CDH23: variants seen among roughly 807,000 people sequenced by gnomAD.
The protein encoded by CDH23 is cadherin related 23, also known as cadherin-23.
Under a neutral mutation model 317.1 loss-of-function variants are expected in CDH23, and 189 were observed. The ratio of observed to expected loss-of-function variants is 0.60; its 90% CI spans 0.53 to 0.67. The LOEUF is 0.67. CDH23 is among the 30% of genes least tolerant of loss of function. CDH23 has a pLI of 0.00. For missense variants in CDH23, 4,401 were observed against 4,592.4 expected, an observed-to-expected ratio of 0.96 and a Z score of 1.20; for synonymous variants, 1,839 against 1,876.8, an observed-to-expected ratio of 0.98 and a Z score of 0.52.
chr10:71,431,151 G>A (rs866442460), intron 1 of CDH23, among the ~76,000 whole-genome samples: 6 of 152,164 alleles, frequency 3.9e-5, no homozygotes, highest in Non-Finnish European at 7.3e-5. Context: ...TATTTACTAC[G>A]TCCGTACACT....
At chr10:71,605,049 A>G (rs112654708) in intron 9 of CDH23, among the ~76,000 whole-genome samples, 7 of 152,320 alleles carry the variant, frequency 4.6e-5, no homozygotes, top group African/African-American at 1.4e-4. Flanking sequence ...TCTAGCACCA[A>G]CTTGGAACAC....
At chr10:71,481,973 G>T (rs1202139662) in intron 3 of CDH23, among the ~76,000 whole-genome samples, 4 of 152,154 alleles carry the variant, frequency 2.6e-5, no homozygotes, top group Non-Finnish European at 2.9e-5. Context: ...TGCAAAGGGT[G>T]GGGGGAGTCG....
chr10:71,426,676 CTTTA>C (rs1207204287), intron 1 of CDH23, among the ~76,000 whole-genome samples: 3 of 152,084 alleles, frequency 2.0e-5, no homozygotes, highest in Non-Finnish European at 2.9e-5. Flanking sequence ...TCTACACTAG[CTTTA>C]TTTATTTGTT....
At chr10:71,713,028 G>A (rs758778076) in intron 28 of CDH23, 2 of 735,278 alleles carry the variant, frequency 2.7e-6, no homozygotes, top group African/African-American at 3.5e-5. Context: ...TGAGGATAGG[G>A]CTCTGGCTCC....
intron 1 of CDH23, among the ~76,000 whole-genome samples, chr10:71,402,771 T>G (rs1326849661): frequency 2.0e-5 from 3 of 150,002 alleles, no homozygotes; most frequent in Non-Finnish European, 3.0e-5. Flanking sequence ...ACATGCGCGT[T>G]GGATGGGGGT....
intron 3 of CDH23, 60 bp downstream of exon 3, chr10:71,446,455 A>G (rs1850173891): frequency 6.8e-7 from 1 of 1,468,402 alleles, no homozygotes; most frequent in African/African-American, 1.4e-5. Context: ...CCCTTCCCAC[A>G]AGTGAAGGGG....
intron 3 of CDH23, among the ~76,000 whole-genome samples, chr10:71,472,416 A>G (rs1851564413): frequency 6.6e-6 from 1 of 152,004 alleles, no homozygotes; most frequent in Non-Finnish European, 1.5e-5. Flanking sequence ...TGGCTCCTCT[A>G]TCACCCGTGT....
rs150689773 is a variant in CDH23, at chr10:71,498,498, C to G, written c.146-11584C>G. Reference sequence around the variant, plus strand: ...TGTGCAGTGTGATAGATATGTAGGTCTGCCCGCTGGACTGTCAGCTGCAGG... The same window carrying G: ...TGTGCAGTGTGATAGATATGTAGGTGTGCCCGCTGGACTGTCAGCTGCAGG... On this transcript the variant is annotated intron_variant, in intron 3 of 69. Coordinates refer to ENST00000224721, the MANE Select transcript of CDH23 (RefSeq NM_022124.6). 2.2e-3 allele frequency among the ~76,000 whole-genome samples: 342 copies of G among 152,362 alleles called. 3 individuals carry two copies. The highest frequency in any genetic ancestry group is 7.8e-3 in the African/African-American group (325 of 41,582).
chr10:71,805,718 G>A, intron 55 of CDH23, 88 bp from the exon 56 acceptor site: 2 of 1,328,244 alleles, frequency 1.5e-6, no homozygotes, highest in African/African-American at 1.5e-5. Flanking sequence ...TTCTGCTACG[G>A]CAGGAGAAAG....
intron 38 of CDH23, among the ~76,000 whole-genome samples, chr10:71,775,138 G>T (rs1840787667): frequency 6.6e-6 from 1 of 152,110 alleles, no homozygotes; most frequent in African/African-American, 2.4e-5. Context: ...CTTCCTGCTG[G>T]CATAGCATGA....
At chr10:71,696,588 C>T (rs372325321) in intron 22 of CDH23, among the ~76,000 whole-genome samples, 66 of 152,332 alleles carry the variant, frequency 4.3e-4, no homozygotes, top group African/African-American at 1.5e-3. Flanking sequence ...GGAGGGGGCA[C>T]CCACACACCA....
chr10:71,767,314 G>A (rs573123010), intron 38 of CDH23, among the ~76,000 whole-genome samples: 7 of 152,314 alleles, frequency 4.6e-5, no homozygotes, highest in South Asian at 2.1e-4. Flanking sequence ...GCCCACAGTC[G>A]CCAAGGCAAC....
intron 38 of CDH23, among the ~76,000 whole-genome samples, chr10:71,764,096 C>A (rs1426320814): frequency 6.6e-6 from 1 of 152,138 alleles, no homozygotes; most frequent in Non-Finnish European, 1.5e-5. Context: ...AACACAGAGA[C>A]CCAGAAAGGG....
At chr10:71,504,168 G>A (rs1246513826) in intron 3 of CDH23, among the ~76,000 whole-genome samples, 3 of 152,020 alleles carry the variant, frequency 2.0e-5, no homozygotes, top group Admixed American at 2.0e-4. Context: ...CTCTTTTTCT[G>A]TTGAAAACTG....
At chr10:71,502,883 GA>G (rs1165073687) in intron 3 of CDH23, among the ~76,000 whole-genome samples, 6 of 152,186 alleles carry the variant, frequency 3.9e-5, no homozygotes, top group Non-Finnish European at 2.9e-5. Flanking sequence ...CTCTCATCTA[GA>G]GAAAATAAAA....
At chr10:71,637,998 G>C (rs1382622159) in intron 11 of CDH23, among the ~76,000 whole-genome samples, 1 of 152,132 alleles carries the variant, frequency 6.6e-6, no homozygotes, top group Non-Finnish European at 1.5e-5. Context: ...CGGTCCCCTA[G>C]CATTTGAGGT....
chr10:71,785,995 A>G (rs761586182), intron 44 of CDH23, among the ~76,000 whole-genome samples: 7 of 152,230 alleles, frequency 4.6e-5, no homozygotes, highest in Non-Finnish European at 8.8e-5. Flanking sequence ...TGAAGGAGCC[A>G]ATATATGTGA....
chr10:71,781,819 G>A (rs1465025480), intron 41 of CDH23, among the ~76,000 whole-genome samples: 6 of 152,194 alleles, frequency 3.9e-5, no homozygotes, highest in Admixed American at 3.9e-4. Context: ...TGGGGTCTCT[G>A]AGCGCCACCC....
chr10:71,617,083 A>G, intron 10 of CDH23, 122 bp from the exon 11 acceptor site: 7 of 1,314,166 alleles, frequency 5.3e-6, no homozygotes, highest in Non-Finnish European at 6.2e-6. Flanking sequence ...AGTTGTGGTG[A>G]GGATTAGATG....
Sources: gnomAD v4.1 joint callset for allele counts (sites outside exome capture counted in the v4.1 genomes callset) on GRCh38, gnomAD v4.1.1 for gene constraint, MANE v1.5 for transcripts, NCBI Gene and HGNC (gene_info 2026-07-23, HGNC 2026-07-21) for gene names.